Variants in COQ8B observed in about 807,000 individuals in gnomAD.
COQ8B encodes atypical kinase COQ8B, mitochondrial.
COQ8B carries 44 observed loss-of-function variants against 62.0 expected under a neutral mutation model. The ratio of observed to expected loss-of-function variants is 0.71; its 90% CI spans 0.56 to 0.91. The LOEUF (loss-of-function observed/expected upper bound fraction) is 0.91, where lower values mean the gene tolerates loss of function less well. COQ8B is among the 40% of genes least tolerant of loss of function. The pLI, the probability that COQ8B is intolerant of heterozygous loss-of-function variation, is 0.00. For missense variants in COQ8B, 649 were observed against 731.6 expected (o/e 0.89, Z 1.30); for synonymous variants, 252 against 289.9 (o/e 0.87, Z 1.33).
At chr19:40,697,177 C>T (rs2082020957) in intron 12 of COQ8B, among the ~76,000 whole-genome samples, 1 of 151,504 alleles carries the variant, frequency 6.6e-6, no homozygotes, top group Admixed American at 6.6e-5. Flanking sequence ...AGTGGCACGA[C>T]CATGGCTTAC....
chr19:40,715,033 C>T, intron 1 of COQ8B: 1 of 997,412 alleles, frequency 1.0e-6, no homozygotes, highest in South Asian at 4.3e-5. Flanking sequence ...TACTGAGCAC[C>T]TCCCCCCGTT....
chr19:40,712,678 C>T (rs542326413), intron 4 of COQ8B, among the ~76,000 whole-genome samples: 88 of 152,312 alleles, frequency 5.8e-4, no homozygotes, highest in African/African-American at 1.9e-3. Flanking sequence ...ATATGTTTCA[C>T]GAAACAAGAC....
Position 40,692,499 on chromosome 19 carries a change from C to T in COQ8B, c.1297-126G>A. ...CACCATCAACACAAGCCCCGACTCC[C>T]CCAAGAGTGAGCAGCTTCCACTCCT... is the stretch of plus-strand genomic sequence containing the variant. On this transcript the variant is annotated intron_variant, in intron 14 of 14. Transcript: ENST00000324464. The T allele has an allele frequency of 1.1e-5, 9 of 812,296 alleles. No homozygotes were observed. In the South Asian group the frequency reaches 1.2e-4, roughly 11 times the overall value. 50.3% of individuals were successfully genotyped at this position (812,296 alleles called of 1,614,324 possible). A position where few individuals can be genotyped will look rare whatever the true frequency, so the allele number is the denominator to read the frequency against.
intron 9 of COQ8B, chr19:40,703,318 G>T: frequency 1.9e-6 from 1 of 538,556 alleles, no homozygotes; most frequent in Non-Finnish European, 3.3e-6. Context: ...CTTGGCCCTG[G>T]GCTCCCGTCT....
intron 1 of COQ8B, chr19:40,715,266 G>T (rs1352348345): frequency 4.0e-5 from 39 of 985,984 alleles, no homozygotes; most frequent in Admixed American, 6.1e-5. Flanking sequence ...GGGCCCATCT[G>T]GGGGGATTGC....
chr19:40,709,373 T>C (rs1252853974), intron 5 of COQ8B, among the ~76,000 whole-genome samples: 1 of 152,212 alleles, frequency 6.6e-6, no homozygotes, highest in Non-Finnish European at 1.5e-5. Flanking sequence ...TTTCAAGACA[T>C]TGACTTGTTG....
rs139138185 is a variant in COQ8B at position 40,710,262 on chromosome 19, T to C, written c.290-126A>G. 4.4e-4 allele frequency: 411 copies of C among 942,288 alleles called. 4 individuals are homozygous for C. The African/African-American group carries it at 5.7e-3, about 13-fold the overall frequency. The allele number at this position is 942,288 out of a possible 1,614,324, so 58.4% of individuals were successfully genotyped here. ...AACTCTTTTTATTTTTTCTTTTGTT[T>C]GAGATGGAGTCTCGCTCTGTTGCCC... is the stretch of plus-strand genomic sequence containing the variant. On this transcript the variant is annotated intron_variant, in intron 4 of 14. Transcript: ENST00000324464.
At chr19:40,715,199 G>C (rs745321601) in intron 1 of COQ8B, 28 of 985,042 alleles carry the variant, frequency 2.8e-5, no homozygotes, top group Non-Finnish European at 3.4e-5. Context: ...CTGTGCGCGG[G>C]GGAAGGGGCC....
chr19:40,712,470 C>T (rs1201376273), intron 4 of COQ8B, among the ~76,000 whole-genome samples: 1 of 151,548 alleles, frequency 6.6e-6, no homozygotes, highest in African/African-American at 2.4e-5. Flanking sequence ...CATCTGTAAC[C>T]CCCGCTACTC....
At chr19:40,703,513 T>G (rs2082077471) in intron 9 of COQ8B, 28 bp downstream of exon 9, 3 of 1,575,602 alleles carry the variant, frequency 1.9e-6, no homozygotes, top group Non-Finnish European at 1.7e-6. Flanking sequence ...CTTTGGGAGG[T>G]CAGCAGAGGA....
At chr19:40,712,412 GAA>G (rs797020409) in intron 4 of COQ8B, among the ~76,000 whole-genome samples, 2 of 104,084 alleles carry the variant, frequency 1.9e-5, no homozygotes, top group African/African-American at 3.5e-5. Flanking sequence ...GTCTCCCTAA[GAA>G]AAAAAAAAAA....
chr19:40,703,973 G>T (rs762158204), intron 7 of COQ8B, 118 bp from the exon 8 acceptor site: 433 of 1,311,898 alleles, frequency 3.3e-4, no homozygotes, highest in Non-Finnish European at 1.8e-4. Flanking sequence ...TAAGCTCTTG[G>T]CTGCCACCCC....
At chr19:40,706,232 T>G (rs965769589) in intron 5 of COQ8B, among the ~76,000 whole-genome samples, 1 of 152,168 alleles carries the variant, frequency 6.6e-6, no homozygotes, top group African/African-American at 2.4e-5. Context: ...AGGGCAACGA[T>G]TCTCGAAATG....
intron 7 of COQ8B, 141 bp downstream of exon 7, chr19:40,704,955 T>A: frequency 1.3e-6 from 1 of 752,344 alleles, no homozygotes; most frequent in Admixed American, 2.9e-5. Flanking sequence ...CTAGGAGGTG[T>A]GTACTCTGGT....
rs369822372 is a variant in COQ8B, at chr19:40,693,440, G to A, written c.1210-403C>T. ...CCACACTGGACTTTGAGCCCCGTGA[G>A]AGCAAGGATCCCAGTTGGGTTTAGT... On this transcript the variant is annotated intron_variant, in intron 13 of 14. Coordinates refer to ENST00000324464, the MANE Select transcript of COQ8B (RefSeq NM_024876.4). Among the ~76,000 whole-genome samples, 220 of 152,370 alleles carry A rather than the reference G, an allele frequency of 1.4e-3. 1 individual carries two copies. The highest frequency in any genetic ancestry group is 4.3e-3 in the African/African-American group (177 of 41,580).
chr19:40,707,595 A>C (rs951932348), intron 5 of COQ8B, among the ~76,000 whole-genome samples: 1 of 152,012 alleles, frequency 6.6e-6, no homozygotes, highest in Non-Finnish European at 1.5e-5. Flanking sequence ...CTGGGGTTAC[A>C]GGCACCCACC....
intron 1 of COQ8B, chr19:40,715,660 G>A: frequency 4.1e-6 from 4 of 968,344 alleles, no homozygotes; most frequent in Non-Finnish European, 4.9e-6. Context: ...CTTGCACACT[G>A]AGTCTCTGTT....
At chr19:40,713,291 C>T (rs1417580017) in intron 4 of COQ8B, among the ~76,000 whole-genome samples, 3 of 152,158 alleles carry the variant, frequency 2.0e-5, no homozygotes, top group South Asian at 4.1e-4. Flanking sequence ...GATCACAAAG[C>T]GAGGACATAG....
intron 10 of COQ8B, 108 bp downstream of exon 10, chr19:40,702,492 A>T (rs1459667129): frequency 2.0e-6 from 2 of 976,468 alleles, no homozygotes; most frequent in East Asian, 4.8e-5. Context: ...AAAGAAAGAG[A>T]GAGTTTGCCC....
Sources: gnomAD v4.1 joint callset for allele counts (sites outside exome capture counted in the v4.1 genomes callset) on GRCh38, gnomAD v4.1.1 for gene constraint, MANE v1.5 for transcripts, NCBI Gene and HGNC (gene_info 2026-07-23, HGNC 2026-07-21) for gene names.